DPH1: variants seen among roughly 807,000 people sequenced by gnomAD.
DPH1 encodes 2-(3-amino-3-carboxypropyl)histidine synthase subunit 1.
DPH1 carries 59 observed loss-of-function variants against 55.3 expected under a neutral mutation model. The ratio of observed to expected loss-of-function variants is 1.07; its 90% CI spans 0.87 to 1.33. The LOEUF (loss-of-function observed/expected upper bound fraction) is 1.33, where lower values mean the gene tolerates loss of function less well. Ranked by LOEUF, DPH1 falls within the 40% of genes most tolerant of loss-of-function variation. The probability of loss-of-function intolerance (pLI) is 0.00; values close to 1 mark genes in which losing one functional copy is unlikely to be tolerated. For synonymous variants in DPH1, 238 were observed against 235.5 expected (o/e 1.01, Z -0.10); for missense variants, 628 against 584.8 (o/e 1.07, Z -0.76).
Position 2,036,232 on chromosome 17 carries a change from C to T in DPH1, c.400+141C>T, listed in dbSNP as rs569020558. On this transcript the variant is annotated intron_variant, in intron 4 of 12. Transcript: ENST00000263083. This position sits in a 1 kb window ranked among gnomAD's most constrained non-coding sequence, Gnocchi z 4.8. ...TGGTTTCTGGGGTGGCCTCTGCCTT[C>T]CCGCTCTGCAGGTAGATCTTTCCTT... 26 of 1,412,642 alleles carry T rather than the reference C, an allele frequency of 1.8e-5. No individual in the cohort carries two copies. In the African/African-American group the frequency reaches 3.0e-4, roughly 16 times the overall value. 87.5% of individuals were successfully genotyped at this position (1,412,642 alleles called of 1,614,324 possible). A position where few individuals can be genotyped will look rare whatever the true frequency, so the allele number is the denominator to read the frequency against.
chr17:2,040,599 T>A lies in DPH1; in HGVS notation c.1001T>A (p.Val334Glu), dbSNP rs1468544871. 6.2e-7 allele frequency: 1 copy of A among 1,614,026 alleles called. No homozygotes were observed. The highest frequency in any genetic ancestry group is 1.7e-5 in the Admixed American group (1 of 60,020). ...AGCAAGCTTAGCCTACTTCCTGAGG[T>A]GGATGTGTGAGTATCTGCCTGGCTA... Reference protein sequence around the residue: ...FPSKLSLLPEVDVWVQVACPR... With the variant: ...FPSKLSLLPEEDVWVQVACPR... The change falls in exon 9 of 13, where the codon GTG (valine) becomes GAG (glutamate). Residue 334 changes from valine to glutamate, a missense_variant. Transcript: ENST00000263083.
At chr17:2,032,817 C>G (rs887121922) in intron 1 of DPH1, among the ~76,000 whole-genome samples, 1 of 152,212 alleles carries the variant, frequency 6.6e-6, no homozygotes, top group Non-Finnish European at 1.5e-5. Flanking sequence ...GATCTCGGCT[C>G]ACTGCAAGCT....
At position 2,042,625 on chromosome 17, in the gene DPH1, C is replaced by T; in HGVS notation, c.*39C>T. ...TGTAGGGTCCTGCCCTCCGGAGGAG[C>T]AGCCTCGAGGCTGGTGGTTTTCAGA... is the stretch of plus-strand genomic sequence containing the variant. On this transcript the variant is annotated 3_prime_UTR_variant, in exon 13 of 13. Transcript: ENST00000263083. 6.6e-7 allele frequency: 1 copy of T among 1,519,722 alleles called. No individual in the cohort carries two copies. Among genetic ancestry groups the T allele is most frequent in the Non-Finnish European group, 8.8e-7 (1 of 1,136,834 alleles). 94.1% of individuals were successfully genotyped at this position (1,519,722 alleles called of 1,614,324 possible).
intron 12 of DPH1, chr17:2,042,202 C>G (rs752196726): frequency 4.2e-6 from 6 of 1,434,576 alleles, no homozygotes; most frequent in South Asian, 1.4e-5. Flanking sequence ...CCCGACCCCC[C>G]GGGCCCCGAG....
chr17:2,041,818 C>T lies in DPH1; in HGVS notation c.1278C>T (p.Cys426=). ...RPPSAVACED[C]SCRDEKVAPL... ...CTTCGGCCGTGGCTTGCGAGGACTG[C>T]AGCTGCAGGGACGAGAAGGTGGCGC... The change falls in exon 12 of 13, where the codon TGC becomes TGT. Residue 426 remains cysteine, a synonymous_variant. Transcript: ENST00000263083. 7 of 1,606,242 alleles carry T rather than the reference C, an allele frequency of 4.4e-6. No individual in the cohort carries two copies. Among genetic ancestry groups the T allele is most frequent in the South Asian group, 1.1e-5 (1 of 90,068 alleles).
chr17:2,042,029 T>G (rs1264944385), intron 12 of DPH1, 154 bp downstream of exon 12: 2 of 1,501,434 alleles, frequency 1.3e-6, no homozygotes, highest in South Asian at 2.5e-5. Context: ...GGTGCTTCCG[T>G]CGCTCCTTGC....
chr17:2,041,325 T>C, intron 10 of DPH1, 144 bp downstream of exon 10: 1 of 1,446,820 alleles, frequency 6.9e-7, no homozygotes, highest in Non-Finnish European at 9.4e-7. Context: ...AGTCACTTCC[T>C]AGCTGTGTAG....
intron 11 of DPH1, 60 bp from the exon 12 acceptor site, chr17:2,041,708 G>T (rs942350539): frequency 1.3e-6 from 2 of 1,579,600 alleles, no homozygotes; most frequent in Non-Finnish European, 1.7e-6. Flanking sequence ...GCACAGGAGC[G>T]GAGCGGAGGG....
intron 1 of DPH1, among the ~76,000 whole-genome samples, chr17:2,030,677 T>C (rs1213597566): frequency 6.6e-6 from 1 of 152,204 alleles, no homozygotes; most frequent in East Asian, 1.9e-4. Context: ...GATCTCAGTC[T>C]ACTGGGGGAA....
intron 6 of DPH1, among the ~76,000 whole-genome samples, chr17:2,038,666 C>G (rs886348888): frequency 1.3e-5 from 2 of 152,200 alleles, no homozygotes; most frequent in Non-Finnish European, 2.9e-5. Context: ...GAGACAGTTT[C>G]ATCCTGAAAC....
chr17:2,041,123 C>G lies in DPH1; in HGVS notation c.1028C>G (p.Pro343Arg). 6.2e-7 allele frequency: 1 copy of G among 1,604,180 alleles called. No individual in the cohort carries two copies. Among genetic ancestry groups the G allele is most frequent in the East Asian group, 2.2e-5 (1 of 44,660 alleles). The part of the protein sequence containing the change: ...EVDVWVQVAC[P>R]RLSIDWGTAF... ...CCCAGGTGGGTGCAGGTGGCATGTC[C>G]ACGTCTCTCCATTGACTGGGGCACA... The change falls in exon 10 of 13, where the codon CCA (proline) becomes CGA (arginine). Residue 343 changes from proline (P) to arginine (R), a missense_variant. Pro to Arg is a moderately radical substitution (Grantham distance 103). Coordinates refer to ENST00000263083, the MANE Select transcript of DPH1 (RefSeq NM_001383.6).
At chr17:2,042,394 C>T (rs1039036795) in intron 12 of DPH1, 3 of 1,275,418 alleles carry the variant, frequency 2.4e-6, no homozygotes, top group East Asian at 5.7e-5. Context: ...CAAACTGCAG[C>T]CTGTCCTCCC....
chr17:2,041,873 C>G lies in DPH1; in HGVS notation c.*16C>G. On this transcript the variant is annotated splice_region_variant and 3_prime_UTR_variant, in exon 12 of 13. Transcript: ENST00000263083. ...GGCTCCTTGACGCGCTCCCGGGCCT[C>G]AGGTATCAGCCCCCGCTCTGGGTGC... is the stretch of plus-strand genomic sequence containing the variant. 1.3e-6 allele frequency: 2 copies of G among 1,577,370 alleles called. No homozygotes were observed. The highest frequency in any genetic ancestry group is 1.7e-6 in the Non-Finnish European group (2 of 1,165,326).
chr17:2,039,947 C>T lies in DPH1; in HGVS notation c.749+124C>T, dbSNP rs372869731. The T allele has an allele frequency of 3.3e-5, 47 of 1,408,984 alleles. No homozygotes were observed. The East Asian group carries it at 3.7e-4, about 11-fold the overall frequency. The allele number at this position is 1,408,984 out of a possible 1,614,324, so 87.3% of individuals were successfully genotyped here. A position where few individuals can be genotyped will look rare whatever the true frequency, so the allele number is the denominator to read the frequency against. On this transcript the variant is annotated intron_variant, in intron 7 of 12. Transcript: ENST00000263083. ...AGCCACCAGCCCTAAGGGTCTGAGG[C>T]ACTTGGGCCCTGGATCTGGGCATTA...
chr17:2,035,469 G>GACGAGAGGGCCCTGCCT (rs1159641817), intron 3 of DPH1, among the ~76,000 whole-genome samples: 6 of 44,282 alleles, frequency 1.4e-4, no homozygotes, highest in Middle Eastern at 0.011. Flanking sequence ...TGGGGGTCCG[G>GACGAGAGGGCCCTGCCT]GTGAGGGGGC....
chr17:2,036,507 C>A lies in DPH1; in HGVS notation c.401-22C>A, dbSNP rs1315537545. 1.2e-6 allele frequency: 2 copies of A among 1,612,754 alleles called. No individual in the cohort carries two copies. The highest frequency in any genetic ancestry group is 1.7e-6 in the Non-Finnish European group (2 of 1,179,160). ...GCTGCTCCTGCCTTCCCAAACAGCC[C>A]CTGAACTCCTCCCTCCCACAGTTCC... On this transcript the variant is annotated intron_variant, in intron 4 of 12. Coordinates refer to ENST00000263083, the MANE Select transcript of DPH1 (RefSeq NM_001383.6). This position sits in a 1 kb window ranked among gnomAD's most constrained non-coding sequence, Gnocchi z 4.8.
At chr17:2,034,096 G>C (rs1334101842) in intron 3 of DPH1, among the ~76,000 whole-genome samples, 3 of 151,982 alleles carry the variant, frequency 2.0e-5, no homozygotes, top group Non-Finnish European at 4.4e-5. Flanking sequence ...ATCAATCCCA[G>C]TGTCTTCAAA....
intron 6 of DPH1, 63 bp from the exon 7 acceptor site, chr17:2,039,692 T>C: frequency 6.2e-7 from 1 of 1,610,154 alleles, no homozygotes; most frequent in South Asian, 1.1e-5. Context: ...TGTGGACTTC[T>C]AAGCCAGCGA....
rs781264642 is a variant in DPH1, at chr17:2,043,137, G to T, written c.*551G>T. Reference sequence around the variant, plus strand: ...AGAAATGTCTCTGCTCCTACATCCAGCTCCTCTAGGGGCAGCCTCCGTCAT... The same window carrying T: ...AGAAATGTCTCTGCTCCTACATCCATCTCCTCTAGGGGCAGCCTCCGTCAT... On this transcript the variant is annotated 3_prime_UTR_variant, in exon 13 of 13. Coordinates refer to ENST00000263083, the MANE Select transcript of DPH1 (RefSeq NM_001383.6). 1.9e-6 allele frequency: 3 copies of T among 1,599,120 alleles called. No individual in the cohort carries two copies. The South Asian group carries it at 3.3e-5, about 18-fold the overall frequency.
Sources: gnomAD v4.1 joint callset for allele counts (sites outside exome capture counted in the v4.1 genomes callset) on GRCh38, gnomAD v4.1.1 for gene constraint, Gnocchi (gnomAD v3.1) non-coding constraint, MANE v1.5 for transcripts, NCBI Gene and HGNC (gene_info 2026-07-23, HGNC 2026-07-21) for gene names.